The following TMEM229B variants were observed in gnomAD, a reference collection of about 807,000 sequenced individuals.
TMEM229B encodes chromosome 14 open reading frame 83.
Under a neutral mutation model 13.7 loss-of-function variants are expected in TMEM229B, and 6 were observed. The ratio of observed to expected loss-of-function variants is 0.44; its 90% CI spans 0.24 to 0.86. TMEM229B has a LOEUF of 0.86. Among genes scored for constraint, TMEM229B ranks in the 40% least tolerant of loss-of-function variants. The pLI is 0.23. For missense variants in TMEM229B, 170 were observed against 236.0 expected (o/e 0.72, Z 1.83); for synonymous variants, 107 against 102.1 (o/e 1.05, Z -0.29).
At chr14:67,494,819 A>C (rs547047463) in intron 1 of TMEM229B, among the ~76,000 whole-genome samples, 21 of 152,348 alleles carry the variant, frequency 1.4e-4, no homozygotes, top group Admixed American at 7.2e-4. Context: ...CCAAATTTTA[A>C]AAACAGAAGT....
At chr14:67,491,389 C>T (rs947732513), upstream of TMEM229B, among the ~76,000 whole-genome samples, 4 of 152,216 alleles carry the variant, frequency 2.6e-5, no homozygotes, top group Non-Finnish European at 5.9e-5. Flanking sequence ...TGTTCTAATC[C>T]TCTAAGCATT....
Position 67,508,753 on chromosome 14 carries a change from C to CAAAAAAAA in TMEM229B, c.-192+6325_-192+6332dup, listed in dbSNP as rs757183130. Among the ~76,000 whole-genome samples, 49 of 46,676 alleles carry CAAAAAAAA rather than the reference C, an allele frequency of 1.0e-3. 3 individuals are homozygous for CAAAAAAAA. The highest frequency in any genetic ancestry group is 1.5e-3 in the Admixed American group (5 of 3,414). 30.6% of individuals were successfully genotyped at this position (46,676 alleles called of 152,430 possible). A position where few individuals can be genotyped will look rare whatever the true frequency, so the allele number is the denominator to read the frequency against. ...TGGGTGACAGAGCAAAACCTTGTCT[C>CAAAAAAAA]AAAAAAAAAAAAAAAAAACAGAAGA... On this transcript the variant is annotated intron_variant, in intron 1 of 2. Coordinates refer to the TMEM229B transcript ENST00000357461.
At chr14:67,501,618 G>A (rs1045771174) in intron 1 of TMEM229B, among the ~76,000 whole-genome samples, 3 of 152,180 alleles carry the variant, frequency 2.0e-5, no homozygotes, top group Non-Finnish European at 4.4e-5. Context: ...TTAGGGACAG[G>A]CCAATGAGGC....
At position 67,507,633 on chromosome 14, in the gene TMEM229B, G is replaced by A. The variant is rs79471044; in HGVS notation, c.-192+7453C>T. 4.9e-3 allele frequency among the ~76,000 whole-genome samples: 753 copies of A among 152,202 alleles called. 4 individuals carry two copies. Among genetic ancestry groups the A allele is most frequent in the Middle Eastern group, 0.017 (5 of 294 alleles). Reference sequence around the variant, plus strand: ...CCAACTAATTTTGTGTAAAGACAAGGTCTCACTGTGTTGCCTAGGCTAGTC... The same window carrying A: ...CCAACTAATTTTGTGTAAAGACAAGATCTCACTGTGTTGCCTAGGCTAGTC... On this transcript the variant is annotated intron_variant, in intron 1 of 2. Transcript: ENST00000357461.
At chr14:67,482,344 T>C (rs2031635404) in intron 2 of TMEM229B, among the ~76,000 whole-genome samples, 1 of 152,200 alleles carries the variant, frequency 6.6e-6, no homozygotes, top group African/African-American at 2.4e-5. Context: ...TAACTGCCCT[T>C]GGTTTTGTCA....
intron 1 of TMEM229B, among the ~76,000 whole-genome samples, chr14:67,513,452 G>A (rs2033094340): frequency 6.6e-6 from 1 of 152,160 alleles, no homozygotes; most frequent in African/African-American, 2.4e-5. Flanking sequence ...ATTGGTCCTG[G>A]AACCTCCGTT....
chr14:67,521,796 C>A (rs914317678), intron 1 of TMEM229B, among the ~76,000 whole-genome samples: 1 of 152,172 alleles, frequency 6.6e-6, no homozygotes, highest in African/African-American at 2.4e-5. Context: ...AGAATAAGAG[C>A]ACACATTGAA....
chr14:67,531,946 T>G (rs965372730), intron 1 of TMEM229B, among the ~76,000 whole-genome samples: 9 of 149,978 alleles, frequency 6.0e-5, no homozygotes, highest in South Asian at 2.1e-4. Flanking sequence ...ATGAATGAAT[T>G]AATGTCTTCT....
chr14:67,475,019 G>A (rs1594675019), intron 2 of TMEM229B, among the ~76,000 whole-genome samples: 1 of 150,038 alleles, frequency 6.7e-6, no homozygotes, highest in South Asian at 2.1e-4. Flanking sequence ...GGGTTCAAGC[G>A]ATTCTCCTGT....
chr14:67,514,862 G>T (rs1195183533), intron 1 of TMEM229B, among the ~76,000 whole-genome samples: 1 of 152,158 alleles, frequency 6.6e-6, no homozygotes, highest in Non-Finnish European at 1.5e-5. Context: ...CCAAGCCCCG[G>T]GCGCACCACC....
intron 1 of TMEM229B, among the ~76,000 whole-genome samples, chr14:67,520,636 C>G (rs2033277104): frequency 6.6e-6 from 1 of 152,084 alleles, no homozygotes; most frequent in African/African-American, 2.4e-5. Context: ...AATAAAGCTG[C>G]TATAAACTCC....
At chr14:67,509,656 C>T (rs2032960362) in intron 1 of TMEM229B, among the ~76,000 whole-genome samples, 1 of 152,156 alleles carries the variant, frequency 6.6e-6, no homozygotes, top group South Asian at 2.1e-4. Flanking sequence ...ACTGCCTCCA[C>T]TTTTACCCTC....
intron 1 of TMEM229B, among the ~76,000 whole-genome samples, chr14:67,504,331 T>C (rs763753434): frequency 1.7e-4 from 26 of 152,188 alleles, no homozygotes; most frequent in Admixed American, 2.0e-4. Context: ...GTTTGTAAAA[T>C]AGAGAAAATA....
chr14:67,505,425 G>T (rs1172754577), intron 1 of TMEM229B, among the ~76,000 whole-genome samples: 1 of 152,184 alleles, frequency 6.6e-6, no homozygotes, highest in Non-Finnish European at 1.5e-5. Flanking sequence ...CATCCAAAGG[G>T]TGGGACACAC....
At chr14:67,501,558 T>C (rs1459281325) in intron 1 of TMEM229B, among the ~76,000 whole-genome samples, 2 of 151,954 alleles carry the variant, frequency 1.3e-5, no homozygotes, top group African/African-American at 2.4e-5. Flanking sequence ...AAAAATCAAG[T>C]TGGTAAGCCA....
chr14:67,509,664 C>T (rs769771646), intron 1 of TMEM229B, among the ~76,000 whole-genome samples: 47 of 152,156 alleles, frequency 3.1e-4, no homozygotes, highest in Non-Finnish European at 5.7e-4. Flanking sequence ...CACTTTTACC[C>T]TCTCCCCAAC....
At chr14:67,508,479 C>G (rs563488451) in intron 1 of TMEM229B, among the ~76,000 whole-genome samples, 34 of 152,240 alleles carry the variant, frequency 2.2e-4, no homozygotes, top group Admixed American at 6.5e-4. Context: ...TCTCCTGACC[C>G]CTTGCACACT....
At chr14:67,515,186 C>T (rs1386462579) in exon 1 of TMEM229B, 1 of 152,300 alleles carries the variant, frequency 6.6e-6, no homozygotes, top group African/African-American at 2.4e-5. Context: ...GCTCCCGCTC[C>T]TCCTCCCGCG....
intron 1 of TMEM229B, among the ~76,000 whole-genome samples, chr14:67,496,125 G>A (rs904760993): frequency 2.6e-5 from 4 of 152,218 alleles, no homozygotes; most frequent in African/African-American, 9.6e-5. Flanking sequence ...GGAGGGCAAA[G>A]CTGCAGTGAG....
Sources: allele counts gnomAD v4.1 joint callset (sites outside exome capture counted in the v4.1 genomes callset), GRCh38; gene constraint gnomAD v4.1.1; transcripts MANE v1.5; gene names NCBI Gene and HGNC (gene_info 2026-07-23, HGNC 2026-07-21).